The following GPHN variants were observed in gnomAD, a reference collection of about 807,000 sequenced individuals.
GPHN encodes gephyrin.
GPHN carries 17 observed loss-of-function variants against 95.5 expected under a neutral mutation model. That is an observed-to-expected ratio of 0.18 (90% CI 0.12 to 0.27). The LOEUF (loss-of-function observed/expected upper bound fraction) is 0.27, where lower values mean the gene tolerates loss of function less well. Ranked by LOEUF, GPHN falls within the 10% of genes least tolerant of loss-of-function variation. GPHN has a pLI of 1.00. For missense variants in GPHN, 660 were observed against 978.1 expected (o/e 0.67, Z 4.34); for synonymous variants, 320 against 322.5 (o/e 0.99, Z 0.08).
At chr14:67,574,459 C>T in the GPHN span, 4 of 1,380,244 alleles carry the variant, frequency 2.9e-6, no homozygotes, top group South Asian at 1.6e-5. This position sits in a 1 kb window ranked among gnomAD's most constrained non-coding sequence, Gnocchi z 4.2. Flanking sequence ...TCAGGGGAGC[C>T]AGGATTGGGG....
the GPHN span, chr14:67,615,798 G>T: frequency 5.4e-6 from 3 of 556,438 alleles, no homozygotes; most frequent in South Asian, 5.9e-5. Flanking sequence ...TTCTTGTTCT[G>T]TTCTGCGTGT....
chr14:67,492,065 C>A, the GPHN span, among the ~76,000 whole-genome samples: 4 of 152,162 alleles, frequency 2.6e-5, no homozygotes, highest in Non-Finnish European at 5.9e-5. Context: ...GCCACCTGTC[C>A]TTTCCCTCTC....
At chr14:66,594,238 C>G (rs1011759772) in intron 1 of GPHN, among the ~76,000 whole-genome samples, 4 of 152,064 alleles carry the variant, frequency 2.6e-5, no homozygotes, top group Admixed American at 6.6e-5. Context: ...GTCTCTACTT[C>G]CCAAAGTTAT....
intron 1 of GPHN, among the ~76,000 whole-genome samples, chr14:66,624,553 C>A (rs2153323706): frequency 6.6e-6 from 1 of 152,270 alleles, no homozygotes; most frequent in Non-Finnish European, 1.5e-5. Flanking sequence ...CAAGGACAGT[C>A]TAAAAGATTA....
At chr14:66,959,413 G>A (rs2068747527) in intron 8 of GPHN, among the ~76,000 whole-genome samples, 2 of 151,844 alleles carry the variant, frequency 1.3e-5, no homozygotes, top group Non-Finnish European at 2.9e-5. Flanking sequence ...TTTTATTTCA[G>A]CCTGAAGACC....
chr14:67,211,457 T>G, the GPHN span, among the ~76,000 whole-genome samples: 1 of 152,144 alleles, frequency 6.6e-6, no homozygotes, highest in Non-Finnish European at 1.5e-5. Flanking sequence ...ACAAAACTGA[T>G]TAAATATTTT....
At chr14:67,123,696 A>G (rs1312918543) in intron 17 of GPHN, among the ~76,000 whole-genome samples, 1 of 152,124 alleles carries the variant, frequency 6.6e-6, no homozygotes, top group Non-Finnish European at 1.5e-5. Context: ...TAAGTAAACA[A>G]ATTAAGCTTC....
intron 1 of GPHN, among the ~76,000 whole-genome samples, chr14:66,551,524 T>C (rs1271179325): frequency 3.9e-5 from 6 of 152,240 alleles, no homozygotes; most frequent in Non-Finnish European, 7.3e-5. Flanking sequence ...AGTTTGTTGC[T>C]CTTCGGATAT....
intron 11 of GPHN, among the ~76,000 whole-genome samples, chr14:67,062,846 A>G (rs955696450): frequency 1.3e-5 from 2 of 152,140 alleles, no homozygotes; most frequent in Non-Finnish European, 2.9e-5. Flanking sequence ...GCAGATTGCA[A>G]AAATTTTCTC....
At chr14:67,375,380 C>T in the GPHN span, among the ~76,000 whole-genome samples, 846 of 152,142 alleles carry the variant, frequency 5.6e-3, 8 homozygotes, top group African/African-American at 0.02. Context: ...CTCTGCCTCC[C>T]GGAATGTTTG....
At chr14:66,756,420 A>C (rs745859059) in intron 2 of GPHN, among the ~76,000 whole-genome samples, 1 of 152,086 alleles carries the variant, frequency 6.6e-6, no homozygotes, top group African/African-American at 2.4e-5. Context: ...AGGCAGGGGC[A>C]CAACTGTGCT....
chr14:66,713,343 T>C (rs1290741423), intron 2 of GPHN, among the ~76,000 whole-genome samples: 1 of 152,224 alleles, frequency 6.6e-6, no homozygotes, highest in East Asian at 1.9e-4. Context: ...AGTTTCATTC[T>C]CTTACATGTG....
At chr14:67,224,833 A>G in the GPHN span, 1 of 292,550 alleles carries the variant, frequency 3.4e-6, no homozygotes, top group Admixed American at 5.2e-5. Flanking sequence ...TTGGAATCCT[A>G]AGCAGCCAGG....
intron 10 of GPHN, among the ~76,000 whole-genome samples, chr14:67,044,197 C>A (rs2074869397): frequency 6.6e-6 from 1 of 151,978 alleles, no homozygotes; most frequent in South Asian, 2.1e-4. Context: ...ATTAGCCAGG[C>A]ATGGTGACAC....
chr14:67,159,608 A>G, intron 19 of GPHN, 120 bp downstream of exon 19: 1 of 753,074 alleles, frequency 1.3e-6, no homozygotes, highest in Non-Finnish European at 2.5e-6. Context: ...AAAAAAAAAG[A>G]AATATAGTAT....
chr14:67,226,869 T>A, the GPHN span, among the ~76,000 whole-genome samples: 1 of 152,208 alleles, frequency 6.6e-6, no homozygotes, highest in East Asian at 1.9e-4. Context: ...ACTTGTTGTA[T>A]GGTGTGGAGA....
the GPHN span, among the ~76,000 whole-genome samples, chr14:67,341,466 G>T: frequency 5.0e-4 from 76 of 152,224 alleles, no homozygotes; most frequent in African/African-American, 1.8e-3. Flanking sequence ...GGGAGGTTGG[G>T]GGGTCAGCCC....
chr14:67,140,241 T>C (rs2080370106), intron 17 of GPHN, among the ~76,000 whole-genome samples: 2 of 151,914 alleles, frequency 1.3e-5, no homozygotes, highest in African/African-American at 4.8e-5. Flanking sequence ...AAAATTAGCC[T>C]GGCATGTTGG....
At chr14:67,686,037 T>C in the GPHN span, 4 of 152,142 alleles carry the variant, frequency 2.6e-5, no homozygotes, top group African/African-American at 9.7e-5. Context: ...AATGTTGGAG[T>C]TCTCGTGGCT....
Sources: allele counts gnomAD v4.1 joint callset (sites outside exome capture counted in the v4.1 genomes callset), GRCh38; gene constraint gnomAD v4.1.1; non-coding constraint Gnocchi (gnomAD v3.1); transcripts MANE v1.5; gene names NCBI Gene and HGNC (gene_info 2026-07-23, HGNC 2026-07-21).